GHDC: variants seen among roughly 807,000 people sequenced by gnomAD.
The protein encoded by GHDC is GH3 domain-containing protein.
GHDC carries 39 observed loss-of-function variants against 51.5 expected under a neutral mutation model. The observed-to-expected ratio is 0.76, with a 90% CI of 0.59 to 0.99. GHDC has a LOEUF of 0.99. Ranked by LOEUF, GHDC falls within the 50% of genes least tolerant of loss-of-function variation. GHDC has a pLI of 0.00. For missense variants in GHDC, 610 were observed against 672.8 expected (o/e 0.91, Z 1.03); for synonymous variants, 282 against 305.2 (o/e 0.92, Z 0.79).
rs1213785002 is a variant in GHDC at position 42,191,115 on chromosome 17, C to T, written c.985G>A (p.Gly329Ser). 6.4e-7 allele frequency: 1 copy of T among 1,564,844 alleles called. No individual in the cohort carries two copies. The highest frequency in any genetic ancestry group is 2.1e-5 in the Admixed American group (1 of 48,736). ...PFIELLPVKE[G>S]TQEEAASTLL... ...GTGGAGGCAGCTTCCTCCTGGGTGC[C>T]TTCCTTGACTGGGAGCAGCTCGATA... Residue 329 changes from glycine to serine, a missense_variant, in exon 6 of 10, where the codon GGC becomes AGC. Around this residue, in one of 2 missense-constraint regions of GHDC, gnomAD observed 412 missense variants for 410.4 expected, o/e 1.00. Transcript: ENST00000587427.
In GHDC at chr17:42,192,972, C is replaced by T; in HGVS notation, c.321G>A (p.Gln107=). Reference sequence around the variant, plus strand: ...GCAGTGGCTGCTCTCCACTGTCTTCCTGCTGGGTCTGGCTGGCCTTGGTCA... The same window carrying T: ...GCAGTGGCTGCTCTCCACTGTCTTCTTGCTGGGTCTGGCTGGCCTTGGTCA... ...LPLTKASQTQ[Q]EDSGEQPLPP... Residue 107 remains glutamine (Q), a synonymous_variant, in exon 4 of 10, where the codon CAG becomes CAA. Transcript: ENST00000587427. 6.2e-7 allele frequency: 1 copy of T among 1,614,122 alleles called. No homozygotes were observed. Among genetic ancestry groups the T allele is most frequent in the South Asian group, 1.1e-5 (1 of 91,078 alleles).
chr17:42,189,366 A>T lies in GHDC; in HGVS notation c.*337T>A. On this transcript the variant is annotated 3_prime_UTR_variant, in exon 10 of 10. Transcript: ENST00000587427. ...ACCCCCCAACACTTCTAGCTTGCCC[A>T]GTGCACTGACTGAGCACACAGCTGT... 2.6e-6 allele frequency: 1 copy of T among 391,720 alleles called. No homozygotes were observed. Among genetic ancestry groups the T allele is most frequent in the East Asian group, 3.6e-5 (1 of 27,548 alleles). The allele number at this position is 391,720 out of a possible 1,614,324, so 24.3% of individuals were successfully genotyped here. A position where few individuals can be genotyped will look rare whatever the true frequency, so the allele number is the denominator to read the frequency against.
At position 42,191,198 on chromosome 17, in the gene GHDC, A is replaced by G; in HGVS notation, c.902T>C (p.Leu301Pro). The G allele has an allele frequency of 6.6e-7, 1 of 1,520,844 alleles. No homozygotes were observed. Among genetic ancestry groups the G allele is most frequent in the African/African-American group, 1.4e-5 (1 of 70,080 alleles). The allele number at this position is 1,520,844 out of a possible 1,614,324, so 94.2% of individuals were successfully genotyped here. A position where few individuals can be genotyped will look rare whatever the true frequency, so the allele number is the denominator to read the frequency against. Residue 301 changes from leucine to proline, a missense_variant, in exon 6 of 10, where the codon CTA (leucine) becomes CCA (proline). Around this residue, in one of 2 missense-constraint regions of GHDC, gnomAD observed 412 missense variants for 410.4 expected, o/e 1.00. Transcript: ENST00000587427. ...AYAASGGVLGLNLQPEQPHGL... is the reference protein window; with the variant it reads ...AYAASGGVLGPNLQPEQPHGL... ...ATGGGGCTGCTCTGGCTGTAGGTTT[A>G]GGCCCAGCACCCCTGTGAAAGCAAA... is the stretch of plus-strand genomic sequence containing the variant.
chr17:42,191,956 T>A (rs552890793), intron 5 of GHDC, among the ~76,000 whole-genome samples: 2 of 151,766 alleles, frequency 1.3e-5, no homozygotes, highest in Non-Finnish European at 2.9e-5. Context: ...AGAGATGGGG[T>A]TTCGCCATGT....
chr17:42,190,937 C>T, intron 6 of GHDC, 34 bp from the exon 7 acceptor site: 1 of 1,591,930 alleles, frequency 6.3e-7, no homozygotes, highest in Non-Finnish European at 8.5e-7. Flanking sequence ...AGGTCGGGCC[C>T]AAGGTCTTCT....
intron 9 of GHDC, 123 bp from the exon 10 acceptor site, chr17:42,190,044 A>T: frequency 7.4e-7 from 1 of 1,348,394 alleles, no homozygotes; most frequent in Non-Finnish European, 1.0e-6. Flanking sequence ...TGTCTGTGGG[A>T]CTTAGCCCTC....
chr17:42,190,067 C>T lies in GHDC; in HGVS notation c.1374+118G>A. 3 of 1,407,490 alleles carry T rather than the reference C, an allele frequency of 2.1e-6. No individual in the cohort carries two copies. In the South Asian group the frequency reaches 4.0e-5, roughly 19 times the overall value. 87.2% of individuals were successfully genotyped at this position (1,407,490 alleles called of 1,614,324 possible). ...GGACTTAGCCCTCCCCTCCCAGAGC[C>T]CCAGGGAGCTTCTCCTCCGCCACCC... On this transcript the variant is annotated intron_variant, in intron 9 of 9. Coordinates refer to ENST00000587427, the MANE Select transcript of GHDC (RefSeq NM_032484.5).
At position 42,190,671 on chromosome 17, in the gene GHDC, G is replaced by A. The variant is rs777589993; in HGVS notation, c.1241C>T (p.Ala414Val). ...GCCATGGTCCAGCAGCTTGGCCCCC[G>A]CCCACTGCCCCACTGCCCGGCCCAG... Reference protein sequence around the residue: ...EALGRAVGQWAGAKLLDHGCV... With the variant: ...EALGRAVGQWVGAKLLDHGCV... The change falls in exon 8 of 10, where the codon GCG becomes GTG. Residue 414 changes from alanine (A) to valine (V), a missense_variant. Physicochemically the swap from Ala to Val is moderately conservative, Grantham distance 64 (BLOSUM62 0). Around this residue, in one of 2 missense-constraint regions of GHDC, gnomAD observed 412 missense variants for 410.4 expected, o/e 1.00. Coordinates refer to ENST00000587427, the MANE Select transcript of GHDC (RefSeq NM_032484.5). 41 of 1,613,426 alleles carry A rather than the reference G, an allele frequency of 2.5e-5. No homozygotes were observed. In the South Asian group the frequency reaches 3.2e-4, roughly 13 times the overall value.
At chr17:42,192,783 C>G in intron 4 of GHDC, 41 bp from the exon 5 acceptor site, 1 of 1,535,976 alleles carries the variant, frequency 6.5e-7, no homozygotes, top group Non-Finnish European at 8.7e-7. Context: ...GTGTCAGAGC[C>G]AGACCCAGAG....
rs2079980900 is a variant in GHDC, at chr17:42,192,908, G to T, written c.385C>A (p.Gln129Lys). The T allele has an allele frequency of 7.4e-6, 12 of 1,613,892 alleles. No individual in the cohort carries two copies. In the Middle Eastern group the frequency reaches 4.9e-4, roughly 67 times the overall value. The change falls in exon 4 of 10, where the codon CAG (glutamine) becomes AAG (lysine). Residue 129 changes from glutamine to lysine, a missense_variant and splice_region_variant. Gln to Lys is a moderately conservative substitution (Grantham distance 53, BLOSUM62 1). This residue lies in a region of GHDC where 198 missense variants were observed against 262.3 expected (regional missense o/e 0.75). Coordinates refer to ENST00000587427, the MANE Select transcript of GHDC (RefSeq NM_032484.5). Reference protein sequence around the residue: ...SNQDLGEASLQATLLGLAALN... With the variant: ...SNQDLGEASLKATLLGLAALN... ...GGGCTCTGGCCATCCTAGATTACCT[G>T]CAGAGAGGCCTCCCCAAGGTCCTGG... is the stretch of plus-strand genomic sequence containing the variant.
Position 42,193,268 on chromosome 17 carries a change from T to C in GHDC, c.265+49A>G, listed in dbSNP as rs1471884866. On this transcript the variant is annotated intron_variant, in intron 3 of 9. Transcript: ENST00000587427. Reference sequence around the variant, plus strand: ...CAGGCTCTGGAATCTGACGGTCCTGTGGGGTTTCTTTCTCTTTGGGTCACC... The same window carrying C: ...CAGGCTCTGGAATCTGACGGTCCTGCGGGGTTTCTTTCTCTTTGGGTCACC... 2.0e-6 allele frequency: 3 copies of C among 1,534,758 alleles called. No homozygotes were observed. The African/African-American group carries it at 4.1e-5, about 21-fold the overall frequency.
At chr17:42,193,198 TG>T in intron 3 of GHDC, 118 bp downstream of exon 3, 1 of 1,530,114 alleles carries the variant, frequency 6.5e-7, no homozygotes, top group South Asian at 1.2e-5. Context: ...CCTGGGTCTC[TG>T]GGTCAGGCCA....
In GHDC at chr17:42,190,884, C is replaced by T. The variant is rs1029978276; in HGVS notation, c.1102G>A (p.Val368Met). The change falls in exon 7 of 10, where the codon GTG becomes ATG. Residue 368 changes from valine to methionine, a missense_variant. By Grantham distance (21) the Val-to-Met change is conservative. This residue lies in a region of GHDC where 412 missense variants were observed against 410.4 expected (regional missense o/e 1.00). Coordinates refer to ENST00000587427, the MANE Select transcript of GHDC (RefSeq NM_032484.5). ...TGATTGTAGGCACCAACCACTCGCACCACATCACCCAGGCGGCACCTGATG... is the reference window on the plus strand; with the variant it reads ...TGATTGTAGGCACCAACCACTCGCATCACATCACCCAGGCGGCACCTGATG... ...SLTRCRLGDV[V>M]RVVGAYNQCP... 1.9e-6 allele frequency: 3 copies of T among 1,609,560 alleles called. No individual in the cohort carries two copies. The highest frequency in any genetic ancestry group is 2.7e-5 in the African/African-American group (2 of 74,602).
chr17:42,190,400 G>T, intron 8 of GHDC, 130 bp from the exon 9 acceptor site: 1 of 1,550,240 alleles, frequency 6.5e-7, no homozygotes, highest in Non-Finnish European at 8.7e-7. Context: ...GGTGGGGAGT[G>T]GGGTAAATGG....
rs1482519697 is a variant in GHDC, at chr17:42,190,882, C to T, written c.1104G>A (p.Val368=). 1.9e-6 allele frequency: 3 copies of T among 1,610,286 alleles called. No individual in the cohort carries two copies. The highest frequency in any genetic ancestry group is 2.2e-5 in the East Asian group (1 of 44,870). Residue 368 remains valine (V), a synonymous_variant, in exon 7 of 10, where the codon GTG becomes GTA. Transcript: ENST00000587427. ...ACTGATTGTAGGCACCAACCACTCG[C>T]ACCACATCACCCAGGCGGCACCTGA... The part of the protein sequence containing the change: ...SLTRCRLGDV[V]RVVGAYNQCP...
Position 42,192,603 on chromosome 17 carries a change from G to T in GHDC, c.527C>A (p.Thr176Asn). 3 of 1,613,558 alleles carry T rather than the reference G, an allele frequency of 1.9e-6. No individual in the cohort carries two copies. Among genetic ancestry groups the T allele is most frequent in the East Asian group, 2.2e-5 (1 of 44,886 alleles). ...GGCCCTAGGGTCCTTGGTTCCAGGGGTGCCCACCTGGCCCAGGGTATTCCC... is the reference window on the plus strand; with the variant it reads ...GGCCCTAGGGTCCTTGGTTCCAGGGTTGCCCACCTGGCCCAGGGTATTCCC... Reference protein sequence around the residue: ...WPGNTLGQVGTPGTKDPRALL... With the variant: ...WPGNTLGQVGNPGTKDPRALL... Residue 176 changes from threonine to asparagine, a missense_variant, in exon 5 of 10, where the codon ACC becomes AAC. Physicochemically the swap from Thr to Asn is moderately conservative, Grantham distance 65. Coordinates refer to ENST00000587427, the MANE Select transcript of GHDC (RefSeq NM_032484.5).
chr17:42,190,971 CA>C, intron 6 of GHDC, 46 bp downstream of exon 6: 1 of 1,570,240 alleles, frequency 6.4e-7, no homozygotes, highest in Non-Finnish European at 8.6e-7. Context: ...AGGCCCCCAG[CA>C]CGGTCCCATA....
chr17:42,190,285 C>T lies in GHDC; in HGVS notation c.1289-15G>A. On this transcript the variant is annotated splice_polypyrimidine_tract_variant and intron_variant, in intron 8 of 9. Transcript: ENST00000587427. ...CGCAGAGGAATCTGTGAATAGACCCCATGTGCACACATACTTCCGGTGAAT... is the reference window on the plus strand; with the variant it reads ...CGCAGAGGAATCTGTGAATAGACCCTATGTGCACACATACTTCCGGTGAAT... 6.2e-7 allele frequency: 1 copy of T among 1,614,184 alleles called. No individual in the cohort carries two copies. Among genetic ancestry groups the T allele is most frequent in the South Asian group, 1.1e-5 (1 of 91,084 alleles).
chr17:42,192,847 A>C, intron 4 of GHDC, 59 bp downstream of exon 4: 3 of 1,587,358 alleles, frequency 1.9e-6, no homozygotes, highest in Non-Finnish European at 1.7e-6. Context: ...GCTGCAAGTC[A>C]GAGGTCTCTG....
Sources: gnomAD v4.1 joint callset for allele counts (sites outside exome capture counted in the v4.1 genomes callset) on GRCh38, gnomAD v4.1.1 for gene constraint, gnomAD v4.1.1 regional missense constraint, MANE v1.5 for transcripts, NCBI Gene and HGNC (gene_info 2026-07-23, HGNC 2026-07-21) for gene names.